The following NEGR1 variants were observed in gnomAD, a reference collection of about 807,000 sequenced individuals.
The protein encoded by NEGR1 is neuronal growth regulator 1, also known as IgLON family member 4.
A neutral mutation model predicts 40.9 loss-of-function variants in NEGR1; 10 were observed. That is an observed-to-expected ratio of 0.24 (90% CI 0.15 to 0.42). NEGR1 has a LOEUF of 0.42. Ranked by LOEUF, NEGR1 falls within the 10% of genes least tolerant of loss-of-function variation. The pLI is 1.00. For missense variants in NEGR1, 352 were observed against 438.9 expected (o/e 0.80, Z 1.77); for synonymous variants, 185 against 166.8 (o/e 1.11, Z -0.84).
intron 6 of NEGR1, among the ~76,000 whole-genome samples, chr1:71,566,250 AATAG>A (rs539781947): frequency 5.9e-5 from 9 of 152,174 alleles, no homozygotes; most frequent in Non-Finnish European, 1.0e-4. Flanking sequence ...GATTTCTAAT[AATAG>A]ATATACTTTT....
chr1:71,824,510 C>G (rs905381859), intron 2 of NEGR1, among the ~76,000 whole-genome samples: 1 of 151,928 alleles, frequency 6.6e-6, no homozygotes, highest in Non-Finnish European at 1.5e-5. Flanking sequence ...GAGGTGACAA[C>G]AGAAAGTACA....
intron 2 of NEGR1, among the ~76,000 whole-genome samples, chr1:71,802,660 C>G (rs1657603744): frequency 6.6e-6 from 1 of 152,098 alleles, no homozygotes; most frequent in Non-Finnish European, 1.5e-5. Context: ...AGCATCTGGC[C>G]AAAGAGGAGT....
intron 5 of NEGR1, among the ~76,000 whole-genome samples, chr1:71,605,713 T>C (rs1650055426): frequency 6.6e-6 from 1 of 152,206 alleles, no homozygotes; most frequent in Non-Finnish European, 1.5e-5. Context: ...AAAGTTTAAA[T>C]ATTTGGCTCT....
At chr1:71,644,660 T>A (rs990805998) in intron 4 of NEGR1, among the ~76,000 whole-genome samples, 4 of 151,980 alleles carry the variant, frequency 2.6e-5, no homozygotes, top group African/African-American at 7.2e-5. Flanking sequence ...CATGCTTCAA[T>A]TTCTGTGTAT....
In NEGR1 at chr1:71,597,462, C is replaced by CTGTGTGTGTG. The variant is rs1191334873; in HGVS notation, c.789-4495_789-4494insCACACACACA. Among the ~76,000 whole-genome samples, 280 of 30,108 alleles carry CTGTGTGTGTG rather than the reference C, an allele frequency of 9.3e-3. 6 individuals carry two copies. The highest frequency in any genetic ancestry group is 0.018 in the African/African-American group (267 of 14,840). The allele number at this position is 30,108 out of a possible 152,430, so 19.8% of individuals were successfully genotyped here. A position where few individuals can be genotyped will look rare whatever the true frequency, so the allele number is the denominator to read the frequency against. On this transcript the variant is annotated intron_variant, in intron 5 of 6. Transcript: ENST00000357731. ...TCTCTCTCTCTCTCTCTCTCTCTCT[C>CTGTGTGTGTG]TCTCTCTCTCTGTGTGTGTGTGTGT...
At chr1:71,951,356 A>C (rs1330080262) in intron 1 of NEGR1, among the ~76,000 whole-genome samples, 1 of 151,974 alleles carries the variant, frequency 6.6e-6, no homozygotes, top group Admixed American at 6.6e-5. Flanking sequence ...ATGGGCAGGC[A>C]ACTGTAACAG....
At chr1:71,598,395 A>G (rs1049358782) in intron 5 of NEGR1, among the ~76,000 whole-genome samples, 9 of 152,224 alleles carry the variant, frequency 5.9e-5, no homozygotes, top group African/African-American at 1.9e-4. Flanking sequence ...AACTAAAAAA[A>G]TGATACTATC....
intron 6 of NEGR1, among the ~76,000 whole-genome samples, chr1:71,522,468 T>C (rs1409378572): frequency 6.6e-6 from 1 of 151,818 alleles, no homozygotes; most frequent in East Asian, 1.9e-4. Context: ...CAAGGAAGTT[T>C]GGTGGTTTAA....
chr1:72,136,337 C>T (rs140764780), intron 1 of NEGR1, among the ~76,000 whole-genome samples: 25 of 151,896 alleles, frequency 1.6e-4, no homozygotes, highest in African/African-American at 5.8e-4. Context: ...GATTAGCAGT[C>T]GATTGCAGTT....
At chr1:72,128,143 G>T (rs988254867) in intron 1 of NEGR1, among the ~76,000 whole-genome samples, 1 of 152,010 alleles carries the variant, frequency 6.6e-6, no homozygotes, top group Non-Finnish European at 1.5e-5. Context: ...AGTAAGTAAA[G>T]CATGAAATAT....
intron 6 of NEGR1, among the ~76,000 whole-genome samples, chr1:71,464,713 C>T (rs1396209962): frequency 6.6e-6 from 1 of 152,070 alleles, no homozygotes; most frequent in Admixed American, 6.6e-5. Context: ...TGAGCCAACT[C>T]ATCTGGGAAA....
At chr1:71,773,826 A>T (rs1028987119) in intron 3 of NEGR1, among the ~76,000 whole-genome samples, 1 of 152,168 alleles carries the variant, frequency 6.6e-6, no homozygotes, top group African/African-American at 2.4e-5. Context: ...TCATGATGTT[A>T]TCCGTTATCA....
At chr1:72,228,130 G>T (rs1198252051) in intron 1 of NEGR1, among the ~76,000 whole-genome samples, 1 of 152,108 alleles carries the variant, frequency 6.6e-6, no homozygotes, top group Non-Finnish European at 1.5e-5. Flanking sequence ...TGAATTTTCT[G>T]TGTCAACTTG....
At chr1:71,799,476 G>A (rs1318507146) in intron 2 of NEGR1, among the ~76,000 whole-genome samples, 3 of 152,114 alleles carry the variant, frequency 2.0e-5, no homozygotes, top group African/African-American at 7.2e-5. Context: ...CCAAGTCTTT[G>A]CTAGTGTGAA....
chr1:72,246,910 T>G (rs1654921550), intron 1 of NEGR1, among the ~76,000 whole-genome samples: 1 of 152,256 alleles, frequency 6.6e-6, no homozygotes, highest in African/African-American at 2.4e-5. Flanking sequence ...AATTCTTACA[T>G]TCTGCACACA....
intron 2 of NEGR1, among the ~76,000 whole-genome samples, chr1:71,782,293 G>A (rs562204431): frequency 4.9e-4 from 74 of 152,046 alleles, no homozygotes; most frequent in Non-Finnish European, 8.1e-4. Context: ...CCTCGATCTT[G>A]GACTTCCCAG....
rs1161224533 is a variant in NEGR1 at position 71,935,080 on chromosome 1, T to C, written c.408A>G (p.Gln136=). ...TATAGCAGTTCTGAAAATACATACC[T>C]TGCACAGTTAGATGCACCTGCATTG... The part of the protein sequence containing the change: ...PRTMQVHLTV[Q]VPPKIYDISN... The change falls in exon 2 of 7, where the codon CAA becomes CAG. Residue 136 remains glutamine, a splice_region_variant and synonymous_variant. Coordinates refer to ENST00000357731, the MANE Select transcript of NEGR1 (RefSeq NM_173808.3). 1 of 1,582,356 alleles carries C rather than the reference T, an allele frequency of 6.3e-7. No homozygotes were observed. Among genetic ancestry groups the C allele is most frequent in the Admixed American group, 1.7e-5 (1 of 59,902 alleles).
chr1:71,514,463 C>G (rs1385122300), intron 6 of NEGR1, among the ~76,000 whole-genome samples: 1 of 89,258 alleles, frequency 1.1e-5, no homozygotes, highest in Non-Finnish European at 2.2e-5. Context: ...AGCAGGGGCA[C>G]ACTGACACCT....
chr1:71,662,750 T>A (rs766270740), intron 4 of NEGR1, among the ~76,000 whole-genome samples: 1 of 151,640 alleles, frequency 6.6e-6, no homozygotes, highest in Non-Finnish European at 1.5e-5. Flanking sequence ...TCTATAAAAT[T>A]ATATTGATGT....
Sources: gnomAD v4.1 joint callset for allele counts (sites outside exome capture counted in the v4.1 genomes callset) on GRCh38, gnomAD v4.1.1 for gene constraint, MANE v1.5 for transcripts, NCBI Gene and HGNC (gene_info 2026-07-23, HGNC 2026-07-21) for gene names.